Variants in IQANK1 observed in about 807,000 individuals in gnomAD.
IQANK1 encodes IQ motif and ankyrin repeat domain-containing protein 1.
Under a neutral mutation model 22.6 loss-of-function variants are expected in IQANK1, and 30 were observed. The ratio of observed to expected loss-of-function variants is 1.33; its 90% CI spans 0.99 to 1.80. The LOEUF is 1.80. Ranked by LOEUF, IQANK1 falls within the 40% of genes most tolerant of loss-of-function variation. The pLI is 0.00. For missense variants in IQANK1, 275 were observed against 235.2 expected (o/e 1.17, Z -1.11); for synonymous variants, 122 against 99.6 (o/e 1.23, Z -1.34).
At chr8:143,768,087 C>T (rs1422665163) in intron 3 of IQANK1, among the ~76,000 whole-genome samples, 2 of 151,148 alleles carry the variant, frequency 1.3e-5, no homozygotes, top group Admixed American at 1.3e-4. Context: ...TTCACCATGT[C>T]GGCCAGGTTG....
chr8:143,753,925 G>A (rs1354853522), intron 3 of IQANK1, among the ~76,000 whole-genome samples: 1 of 151,896 alleles, frequency 6.6e-6, no homozygotes, highest in Non-Finnish European at 1.5e-5. Context: ...GCTGGGTTTT[G>A]TTTGTTTTTT....
At chr8:143,762,680 T>A (rs1819415641) in intron 3 of IQANK1, among the ~76,000 whole-genome samples, 2 of 152,176 alleles carry the variant, frequency 1.3e-5, no homozygotes, top group South Asian at 4.1e-4. Flanking sequence ...ATTTACCAGA[T>A]CAGTCACTGC....
intron 7 of IQANK1, among the ~76,000 whole-genome samples, chr8:143,788,438 T>C (rs1335180459): frequency 6.6e-6 from 1 of 151,964 alleles, no homozygotes; most frequent in Non-Finnish European, 1.5e-5. Context: ...CTCAGGAGGG[T>C]GAGAGGCAGC....
At chr8:143,760,344 G>C (rs1819371652) in intron 3 of IQANK1, 1 of 152,162 alleles carries the variant, frequency 6.6e-6, no homozygotes, top group African/African-American at 2.4e-5. Flanking sequence ...ATCTATCAGA[G>C]TACAGTCAGG....
chr8:143,775,039 G>A (rs900762921), intron 7 of IQANK1, among the ~76,000 whole-genome samples: 6 of 152,148 alleles, frequency 3.9e-5, no homozygotes, highest in Non-Finnish European at 8.8e-5. Context: ...GACCCTTGAG[G>A]TGATGAGACA....
At chr8:143,740,120 C>A (rs1202505665) in intron 3 of IQANK1, among the ~76,000 whole-genome samples, 172 bp downstream of exon 3, 1 of 152,030 alleles carries the variant, frequency 6.6e-6, no homozygotes, top group African/African-American at 2.4e-5. Context: ...GAGCGCTCGG[C>A]GCAGGCCCGC....
chr8:143,766,782 T>C (rs554880691), intron 3 of IQANK1, among the ~76,000 whole-genome samples: 1 of 152,356 alleles, frequency 6.6e-6, no homozygotes, highest in Admixed American at 6.5e-5. Context: ...CTGAAGCTGT[T>C]CTCCCATGTG....
At chr8:143,742,910 C>G (rs1554626789) in intron 3 of IQANK1, 1 of 455,994 alleles carries the variant, frequency 2.2e-6, no homozygotes, top group African/African-American at 2.0e-5. Flanking sequence ...GACGGAGGCA[C>G]AGGTGCCAGA....
intron 3 of IQANK1, chr8:143,742,041 G>A (rs1256155514): frequency 6.9e-6 from 2 of 290,168 alleles, no homozygotes; most frequent in African/African-American, 4.3e-5. Context: ...TGATGTCCAC[G>A]AGCCTGTCTG....
At chr8:143,760,673 C>A (rs577014658) in intron 3 of IQANK1, among the ~76,000 whole-genome samples, 2 of 152,264 alleles carry the variant, frequency 1.3e-5, no homozygotes, top group East Asian at 3.9e-4. Flanking sequence ...CAGAGGGAGA[C>A]CCTGCGTCCA....
chr8:143,790,046 G>T lies in IQANK1; in HGVS notation c.1271G>T (p.Arg424Leu). ...GTGCTGATGAAAGATGTAGGCAACC[G>T]CATCCGTGCCGATGGCCGGTCAGTT... ...HDVLMKDVGN[R>L]IRADGRWPLV... The change falls in exon 12 of 14, where the codon CGC (arginine) becomes CTC (leucine). Residue 424 changes from arginine (R) to leucine (L), a missense_variant. Physicochemically the swap from Arg to Leu is moderately radical, Grantham distance 102 (BLOSUM62 -2). Transcript: ENST00000527139. The T allele has an allele frequency of 8.1e-7, 1 of 1,232,120 alleles. No homozygotes were observed. Among genetic ancestry groups the T allele is most frequent in the Non-Finnish European group, 1.0e-6 (1 of 988,018 alleles). 76.3% of individuals were successfully genotyped at this position (1,232,120 alleles called of 1,614,324 possible).
rs1818706091 is a variant in IQANK1, at chr8:143,735,373, G to T, written c.-4-477G>T. Among the ~76,000 whole-genome samples the T allele has an allele frequency of 6.6e-6, 1 of 152,208 alleles. No homozygotes were observed. The highest frequency in any genetic ancestry group is 2.4e-5 in the African/African-American group (1 of 41,450). On this transcript the variant is annotated intron_variant, in intron 1 of 13. Transcript: ENST00000527139. This position sits in a 1 kb window ranked among gnomAD's most constrained non-coding sequence, Gnocchi z 5.2. ...GAGCCGGGACCACATAAGGTCTGAG[G>T]GTGTGGAGGGGTGAGTGCCTTGGGT...
At chr8:143,785,283 G>A (rs1439479798) in intron 7 of IQANK1, among the ~76,000 whole-genome samples, 2 of 123,332 alleles carry the variant, frequency 1.6e-5, no homozygotes, top group Non-Finnish European at 3.2e-5. Flanking sequence ...TTGAGACAGA[G>A]TCTTCCTCTG....
At chr8:143,782,700 C>T (rs868915812) in intron 7 of IQANK1, among the ~76,000 whole-genome samples, 7 of 152,238 alleles carry the variant, frequency 4.6e-5, no homozygotes, top group Middle Eastern at 3.2e-3. Context: ...TGGTCTCAAA[C>T]TCCTGACCTC....
chr8:143,750,287 C>T (rs945215933), intron 3 of IQANK1, among the ~76,000 whole-genome samples: 15 of 152,106 alleles, frequency 9.9e-5, no homozygotes, highest in African/African-American at 2.2e-4. Flanking sequence ...TGTGAGTCAC[C>T]GTCCCTGACC....
At chr8:143,750,147 C>T (rs1016426515) in intron 3 of IQANK1, among the ~76,000 whole-genome samples, 147 of 151,858 alleles carry the variant, frequency 9.7e-4, no homozygotes, top group African/African-American at 3.1e-3. Flanking sequence ...TACAGGCATG[C>T]GCCACCACGC....
At chr8:143,783,576 T>C (rs1370774294) in intron 7 of IQANK1, among the ~76,000 whole-genome samples, 1 of 152,234 alleles carries the variant, frequency 6.6e-6, no homozygotes, top group Non-Finnish European at 1.5e-5. Context: ...AAATTTTGTT[T>C]TACTGTAGTA....
chr8:143,752,129 C>G (rs1313178678), intron 3 of IQANK1, among the ~76,000 whole-genome samples: 1 of 152,058 alleles, frequency 6.6e-6, no homozygotes, highest in Non-Finnish European at 1.5e-5. Flanking sequence ...CCAGGCCCAG[C>G]TAATTTTTGT....
rs1018200476 is a variant in IQANK1, at chr8:143,757,994, G to A, written c.176-13494G>A. Among the ~76,000 whole-genome samples, 5 of 152,246 alleles carry A rather than the reference G, an allele frequency of 3.3e-5. No individual in the cohort carries two copies. In the South Asian group the frequency reaches 8.3e-4, roughly 25 times the overall value. ...ATCAGGATAAATTCACCAATATAGTGTATCAGTTCATGCTTTTGGGGGTCA... is the reference window on the plus strand; with the variant it reads ...ATCAGGATAAATTCACCAATATAGTATATCAGTTCATGCTTTTGGGGGTCA... On this transcript the variant is annotated intron_variant, in intron 3 of 13. Transcript: ENST00000527139.
Sources: gnomAD v4.1 joint callset for allele counts (sites outside exome capture counted in the v4.1 genomes callset) on GRCh38, gnomAD v4.1.1 for gene constraint, Gnocchi (gnomAD v3.1) non-coding constraint, MANE v1.5 for transcripts, NCBI Gene and HGNC (gene_info 2026-07-23, HGNC 2026-07-21) for gene names.